Variants in C1orf21 observed in about 807,000 individuals in gnomAD.
C1orf21 encodes the protein uncharacterized protein C1orf21.
Under a neutral mutation model 18.7 loss-of-function variants are expected in C1orf21, and 3 were observed. The ratio of observed to expected loss-of-function variants is 0.16; its 90% CI spans 0.07 to 0.42. The LOEUF (loss-of-function observed/expected upper bound fraction) is 0.42, where lower values mean the gene tolerates loss of function less well. Among genes scored for constraint, C1orf21 ranks in the 10% least tolerant of loss-of-function variants. The pLI is 0.99. For synonymous variants in C1orf21, 41 were observed against 46.4 expected (o/e 0.88, Z 0.47); for missense variants, 104 against 143.6 (o/e 0.72, Z 1.41).
chr1:184,556,501 C>G (rs1318380358), intron 3 of C1orf21, among the ~76,000 whole-genome samples: 1 of 152,146 alleles, frequency 6.6e-6, no homozygotes, highest in African/African-American at 2.4e-5. Flanking sequence ...GGACAGTCCC[C>G]TGATTATTTA....
At chr1:184,511,243 T>A (rs1658139217) in intron 3 of C1orf21, among the ~76,000 whole-genome samples, 1 of 152,174 alleles carries the variant, frequency 6.6e-6, no homozygotes, top group South Asian at 2.1e-4. Flanking sequence ...CATACAACAA[T>A]GTAATAAGTG....
intron 3 of C1orf21, among the ~76,000 whole-genome samples, chr1:184,512,021 G>T (rs1309435825): frequency 1.3e-5 from 2 of 152,134 alleles, no homozygotes; most frequent in African/African-American, 4.8e-5. Flanking sequence ...GAGTGTAAAT[G>T]GGGCAGCCAA....
chr1:184,576,510 C>T (rs535153298), intron 3 of C1orf21, among the ~76,000 whole-genome samples: 1 of 152,360 alleles, frequency 6.6e-6, no homozygotes, highest in South Asian at 2.1e-4. Context: ...CTTGCCAGTT[C>T]CTCTGCTCTG....
intron 1 of C1orf21, among the ~76,000 whole-genome samples, chr1:184,454,564 T>C (rs1391398311): frequency 6.6e-6 from 1 of 152,166 alleles, no homozygotes. Context: ...GATTGGATCA[T>C]GGGGGTGGAT....
chr1:184,571,101 G>T (rs564292078), intron 3 of C1orf21, among the ~76,000 whole-genome samples: 86 of 152,048 alleles, frequency 5.7e-4, no homozygotes, highest in Non-Finnish European at 1.0e-3. Flanking sequence ...AGACCATCCC[G>T]GCTAAAACGG....
At chr1:184,607,739 ATG>A (rs1268933286) in intron 5 of C1orf21, among the ~76,000 whole-genome samples, 3 of 149,976 alleles carry the variant, frequency 2.0e-5, no homozygotes, top group Admixed American at 6.7e-5. Context: ...ATACATATAT[ATG>A]TGTGTGTATA....
chr1:184,509,176 C>G (rs1041868557), intron 3 of C1orf21, among the ~76,000 whole-genome samples: 1 of 152,164 alleles, frequency 6.6e-6, no homozygotes, highest in African/African-American at 2.4e-5. Context: ...ACCAAAGAAG[C>G]AACACCTTGT....
chr1:184,483,329 T>C (rs930298453), intron 2 of C1orf21, among the ~76,000 whole-genome samples: 1 of 152,192 alleles, frequency 6.6e-6, no homozygotes, highest in Admixed American at 6.5e-5. Flanking sequence ...CAAGTGCTTA[T>C]TGGATTTCTT....
intron 1 of C1orf21, among the ~76,000 whole-genome samples, chr1:184,469,393 G>T (rs1015957909): frequency 6.6e-6 from 1 of 152,206 alleles, no homozygotes; most frequent in East Asian, 1.9e-4. Context: ...TACAAGTCAT[G>T]CTAGCAGTAA....
chr1:184,463,622 C>T (rs1657341752), intron 1 of C1orf21, among the ~76,000 whole-genome samples: 1 of 152,154 alleles, frequency 6.6e-6, no homozygotes, highest in African/African-American at 2.4e-5. Context: ...ACATCAAAAC[C>T]ATGACTTGCC....
rs1387814967 is a variant in C1orf21, at chr1:184,620,595, G to A, written c.*1039G>A. On this transcript the variant is annotated 3_prime_UTR_variant, in exon 6 of 6. Coordinates refer to ENST00000235307, the MANE Select transcript of C1orf21 (RefSeq NM_030806.4). Reference sequence around the variant, plus strand: ...TTTTGTAACTCTCCCCCTTCAAAATGCTACATGAGCCTTGCCACTTCCTTT... The same window carrying A: ...TTTTGTAACTCTCCCCCTTCAAAATACTACATGAGCCTTGCCACTTCCTTT... The A allele has an allele frequency of 1.3e-5, 2 of 152,598 alleles. No homozygotes were observed. The highest frequency in any genetic ancestry group is 4.8e-5 in the African/African-American group (2 of 41,422). The allele number at this position is 152,598 out of a possible 1,614,324, so 9.5% of individuals were successfully genotyped here. A position where few individuals can be genotyped will look rare whatever the true frequency, so the allele number is the denominator to read the frequency against.
At chr1:184,440,918 C>CT (rs1656933508) in intron 1 of C1orf21, among the ~76,000 whole-genome samples, 1 of 152,180 alleles carries the variant, frequency 6.6e-6, no homozygotes, top group African/African-American at 2.4e-5. Context: ...TGAATGTTGA[C>CT]ACCAGAGATA....
intron 1 of C1orf21, among the ~76,000 whole-genome samples, chr1:184,403,064 T>C (rs951501358): frequency 1.3e-5 from 2 of 152,202 alleles, no homozygotes; most frequent in South Asian, 2.1e-4. Flanking sequence ...CAGTTTGCCC[T>C]ACCAATATTA....
At chr1:184,433,880 A>T (rs1186796120) in intron 1 of C1orf21, among the ~76,000 whole-genome samples, 1 of 152,038 alleles carries the variant, frequency 6.6e-6, no homozygotes, top group Non-Finnish European at 1.5e-5. Context: ...GAACATTTAC[A>T]TGAGCTATTT....
At chr1:184,510,392 A>C (rs927644861) in intron 3 of C1orf21, among the ~76,000 whole-genome samples, 3 of 152,248 alleles carry the variant, frequency 2.0e-5, no homozygotes, top group African/African-American at 7.2e-5. Flanking sequence ...GGACAAGGTA[A>C]GTATGAAATG....
intron 2 of C1orf21, among the ~76,000 whole-genome samples, chr1:184,503,759 C>T (rs1658011387): frequency 6.6e-6 from 1 of 152,202 alleles, no homozygotes; most frequent in Admixed American, 6.5e-5. Context: ...GACCCCATTC[C>T]TTCCAAGCTT....
At chr1:184,615,566 G>C (rs1319354218) in intron 5 of C1orf21, among the ~76,000 whole-genome samples, 1 of 152,186 alleles carries the variant, frequency 6.6e-6, no homozygotes, top group African/African-American at 2.4e-5. Flanking sequence ...AAGAATTGCT[G>C]TGTATCTCCC....
At chr1:184,424,245 A>T (rs1189876426) in intron 1 of C1orf21, among the ~76,000 whole-genome samples, 1 of 152,128 alleles carries the variant, frequency 6.6e-6, no homozygotes, top group Non-Finnish European at 1.5e-5. Context: ...GGGCCTCCTA[A>T]GGCTGAATTC....
chr1:184,466,242 C>T (rs1172759728), intron 1 of C1orf21, among the ~76,000 whole-genome samples: 2 of 152,170 alleles, frequency 1.3e-5, no homozygotes, highest in Non-Finnish European at 2.9e-5. Flanking sequence ...GAGCATCTTG[C>T]CCTCACTTTT....
Sources: gnomAD v4.1 joint callset for allele counts (sites outside exome capture counted in the v4.1 genomes callset) on GRCh38, gnomAD v4.1.1 for gene constraint, MANE v1.5 for transcripts, NCBI Gene and HGNC (gene_info 2026-07-23, HGNC 2026-07-21) for gene names.